TIGAR: variants seen among roughly 807,000 people sequenced by gnomAD.
The protein encoded by TIGAR is TP53 induced glycolysis regulatory phosphatase.
A neutral mutation model predicts 17.9 loss-of-function variants in TIGAR; 7 were observed. The observed-to-expected ratio is 0.39, with a 90% CI of 0.22 to 0.73. The LOEUF (loss-of-function observed/expected upper bound fraction) is 0.73, where lower values mean the gene tolerates loss of function less well. Among genes scored for constraint, TIGAR ranks in the 30% least tolerant of loss-of-function variants. The pLI, the probability that TIGAR is intolerant of heterozygous loss-of-function variation, is 0.42. For synonymous variants in TIGAR, 94 were observed against 108.6 expected (o/e 0.87, Z 0.84); for missense variants, 258 against 327.4 (o/e 0.79, Z 1.64).
intron 3 of TIGAR, among the ~76,000 whole-genome samples, chr12:4,341,233 T>G (rs1864716075): frequency 6.6e-6 from 1 of 151,720 alleles, no homozygotes; most frequent in Non-Finnish European, 1.5e-5. Context: ...GCAAAATGTC[T>G]GAATAGATGT....
In TIGAR at chr12:4,352,828, A is replaced by C; in HGVS notation, c.*137A>C. On this transcript the variant is annotated 3_prime_UTR_variant, in exon 6 of 6. Coordinates refer to ENST00000179259, the MANE Select transcript of TIGAR (RefSeq NM_020375.3). The stretch of plus-strand genomic sequence containing the variant: ...TTTTAGCTCCAGTGGAACCATAGCC[A>C]CATAAAACTTTAATGGACAACCATA... The C allele has an allele frequency of 1.4e-6, 1 of 734,334 alleles. No individual in the cohort carries two copies. 45.5% of individuals were successfully genotyped at this position (734,334 alleles called of 1,614,324 possible). A position where few individuals can be genotyped will look rare whatever the true frequency, so the allele number is the denominator to read the frequency against.
At chr12:4,330,220 G>A (rs948978993) in intron 1 of TIGAR, among the ~76,000 whole-genome samples, 1 of 152,104 alleles carries the variant, frequency 6.6e-6, no homozygotes, top group Admixed American at 6.6e-5. Flanking sequence ...ATAAACTAGT[G>A]CTTCACTTAA....
At position 4,358,587 on chromosome 12, in the gene TIGAR, T is replaced by C. The variant is rs1383725648; in HGVS notation, c.*5896T>C. Among the ~76,000 whole-genome samples the C allele has an allele frequency of 1.3e-5, 2 of 152,112 alleles. No homozygotes were observed. The highest frequency in any genetic ancestry group is 2.9e-5 in the Non-Finnish European group (2 of 68,024). On this transcript the variant is annotated 3_prime_UTR_variant, in exon 6 of 6. Coordinates refer to ENST00000179259, the MANE Select transcript of TIGAR (RefSeq NM_020375.3). ...TTCCCCTATAAAATTTCAATGTGTG[T>C]TTCCTGAGATCAACAATGTTCTTAT...
chr12:4,329,371 C>A (rs558088322), intron 1 of TIGAR, among the ~76,000 whole-genome samples: 2 of 108,926 alleles, frequency 1.8e-5, no homozygotes, highest in Admixed American at 1.4e-4. Context: ...CAGGGTCTTG[C>A]TCTCTCACCC....
rs748449031 is a variant in TIGAR at position 4,337,098 on chromosome 12, A to G, written c.130A>G (p.Ile44Val). ...ATTTAAACAAGCAGCAGCTGCTGGT[A>G]TATTTCTGAATAATGTGAAGTTTAC... ...TGFKQAAAAG[I>V]FLNNVKFTHA... The change falls in exon 3 of 6, where the codon ATA becomes GTA. Residue 44 changes from isoleucine (I) to valine (V), a missense_variant. Physicochemically the swap from Ile to Val is conservative, Grantham distance 29. Coordinates refer to ENST00000179259, the MANE Select transcript of TIGAR (RefSeq NM_020375.3). 7 of 1,613,664 alleles carry G rather than the reference A, an allele frequency of 4.3e-6. No homozygotes were observed. The Admixed American group carries it at 8.3e-5, about 19-fold the overall frequency.
intron 3 of TIGAR, among the ~76,000 whole-genome samples, chr12:4,341,377 C>T (rs1195565240): frequency 6.6e-6 from 1 of 152,148 alleles, no homozygotes; most frequent in African/African-American, 2.4e-5. Flanking sequence ...TCCAACTGAG[C>T]TTTGAAGAGA....
intron 3 of TIGAR, among the ~76,000 whole-genome samples, chr12:4,341,269 CAAAG>C (rs1023366710): frequency 1.5e-4 from 21 of 136,376 alleles, no homozygotes; most frequent in African/African-American, 5.3e-4. Flanking sequence ...ATACAAATGA[CAAAG>C]AGAGGGGGGG....
rs1864906775 is a variant in TIGAR at position 4,356,750 on chromosome 12, C to T, written c.*4059C>T. ...GTGTTCCCTGTACTCATCTTTCCCA[C>T]CTTGTCTTGCCTGTTTCTGTTAGGT... On this transcript the variant is annotated 3_prime_UTR_variant, in exon 6 of 6. Transcript: ENST00000179259. Among the ~76,000 whole-genome samples, 2 of 152,194 alleles carry T rather than the reference C, an allele frequency of 1.3e-5. No homozygotes were observed. Among genetic ancestry groups the T allele is most frequent in the Admixed American group, 6.5e-5 (1 of 15,278 alleles).
chr12:4,351,120 A>G lies in TIGAR; in HGVS notation c.271-147A>G, dbSNP rs1864833462. 7.4e-6 allele frequency: 5 copies of G among 671,192 alleles called. No individual in the cohort carries two copies. The East Asian group carries it at 1.4e-4, about 19-fold the overall frequency. 41.6% of individuals were successfully genotyped at this position (671,192 alleles called of 1,614,324 possible). On this transcript the variant is annotated intron_variant, in intron 4 of 5. Transcript: ENST00000179259. ...ATGGCCCTCTACTGAGTACATTCTC[A>G]TTATCAGTTCAGAGGAGATAGAATC... is the stretch of plus-strand genomic sequence containing the variant.
rs1864921700 is a variant in TIGAR, at chr12:4,357,816, T to A, written c.*5125T>A. Among the ~76,000 whole-genome samples, 1 of 151,654 alleles carries A rather than the reference T, an allele frequency of 6.6e-6. No individual in the cohort carries two copies. The highest frequency in any genetic ancestry group is 1.5e-5 in the Non-Finnish European group (1 of 67,674). On this transcript the variant is annotated 3_prime_UTR_variant, in exon 6 of 6. Transcript: ENST00000179259. ...AGTAATTTTGTGACCAAGCAATCGC[T>A]GAGGTGGCTGGGCGTGGTGGCTCGC...
chr12:4,338,053 A>G (rs1591662241), intron 3 of TIGAR, among the ~76,000 whole-genome samples: 1 of 152,026 alleles, frequency 6.6e-6, no homozygotes, highest in South Asian at 2.1e-4. Flanking sequence ...TCGCTTGAAC[A>G]CAGGAGGCAG....
intron 3 of TIGAR, among the ~76,000 whole-genome samples, chr12:4,346,768 TAAAAA>T (rs533728739): frequency 6.6e-6 from 1 of 150,592 alleles, no homozygotes; most frequent in Non-Finnish European, 1.5e-5. Context: ...AAATATATAT[TAAAAA>T]AAAATGACAA....
Position 4,355,525 on chromosome 12 carries a change from A to G in TIGAR, c.*2834A>G, listed in dbSNP as rs1427808014. On this transcript the variant is annotated 3_prime_UTR_variant, in exon 6 of 6. Coordinates refer to ENST00000179259, the MANE Select transcript of TIGAR (RefSeq NM_020375.3). ...TATAAATTTTGGAATCAATTGGTCAATTTCCAGAAAAATTCTGTTACAAAT... is the reference window on the plus strand; with the variant it reads ...TATAAATTTTGGAATCAATTGGTCAGTTTCCAGAAAAATTCTGTTACAAAT... Among the ~76,000 whole-genome samples, 1 of 152,186 alleles carries G rather than the reference A, an allele frequency of 6.6e-6. No individual in the cohort carries two copies. Among genetic ancestry groups the G allele is most frequent in the African/African-American group, 2.4e-5 (1 of 41,438 alleles).
rs1035858562 is a variant in TIGAR at position 4,356,956 on chromosome 12, C to T, written c.*4265C>T. On this transcript the variant is annotated 3_prime_UTR_variant, in exon 6 of 6. Coordinates refer to ENST00000179259, the MANE Select transcript of TIGAR (RefSeq NM_020375.3). ...TCCCACTCCTCACTCACCTACTATT[C>T]ATTTCCATTTTTGGATGAGGATTCT... 9.2e-5 allele frequency among the ~76,000 whole-genome samples: 14 copies of T among 152,228 alleles called. No individual in the cohort carries two copies. Among genetic ancestry groups the T allele is most frequent in the Admixed American group, 7.9e-4 (12 of 15,286 alleles).
chr12:4,341,583 A>G (rs180917657), intron 3 of TIGAR, among the ~76,000 whole-genome samples: 7 of 152,338 alleles, frequency 4.6e-5, no homozygotes, highest in South Asian at 4.1e-4. Context: ...CTGTTCAGCA[A>G]TATTTGCTGT....
chr12:4,322,827 T>C (rs77186081), intron 1 of TIGAR, among the ~76,000 whole-genome samples: 2,312 of 152,284 alleles, frequency 0.015, 48 homozygotes, highest in African/African-American at 0.052. Context: ...CTCGGTTGTA[T>C]AGAATGCCTT....
At chr12:4,351,521 T>G (rs964024490) in intron 5 of TIGAR, 144 bp downstream of exon 5, 6 of 660,384 alleles carry the variant, frequency 9.1e-6, no homozygotes, top group Non-Finnish European at 1.6e-5. Flanking sequence ...ATTATTCTTT[T>G]CTATTTAAAA....
chr12:4,348,778 T>C (rs1335351564), intron 3 of TIGAR, among the ~76,000 whole-genome samples: 1 of 152,204 alleles, frequency 6.6e-6, no homozygotes, highest in African/African-American at 2.4e-5. Context: ...ATCATGGACC[T>C]AAATTATTTC....
intron 1 of TIGAR, among the ~76,000 whole-genome samples, chr12:4,326,514 G>A (rs1864548059): frequency 1.3e-5 from 2 of 152,036 alleles, no homozygotes; most frequent in South Asian, 2.1e-4. Context: ...TGATTTGAAC[G>A]CAAAAATGCC....
Sources: gnomAD v4.1 joint callset for allele counts (sites outside exome capture counted in the v4.1 genomes callset) on GRCh38, gnomAD v4.1.1 for gene constraint, MANE v1.5 for transcripts, NCBI Gene and HGNC (gene_info 2026-07-23, HGNC 2026-07-21) for gene names.